The following RBFOX1 variants were observed in gnomAD, a reference collection of about 807,000 sequenced individuals.
RBFOX1 encodes RNA binding protein fox-1 homolog 1.
RBFOX1 carries 8 observed loss-of-function variants against 57.7 expected under a neutral mutation model. The observed-to-expected ratio is 0.14, with a 90% CI of 0.08 to 0.25. The LOEUF is 0.25. Among genes scored for constraint, RBFOX1 ranks in the 10% least tolerant of loss-of-function variants. The pLI, the probability that RBFOX1 is intolerant of heterozygous loss-of-function variation, is 1.00. For synonymous variants in RBFOX1, 326 were observed against 222.4 expected (o/e 1.47, Z -4.15); for missense variants, 611 against 548.5 (o/e 1.11, Z -1.14).
chr16:5,753,804 C>G (rs1372273021), intron 3 of RBFOX1, among the ~76,000 whole-genome samples: 1 of 151,792 alleles, frequency 6.6e-6, no homozygotes, highest in Non-Finnish European at 1.5e-5. Context: ...CTCATTTCAT[C>G]CTCAGATCTA....
At chr16:5,569,220 C>A (rs1911498) in intron 2 of RBFOX1, among the ~76,000 whole-genome samples, 134,920 of 151,984 alleles carry the variant, frequency 0.89, 59,977 homozygotes, top group East Asian at 1. Flanking sequence ...TTGGTGGAGC[C>A]GGGTAAAATG....
At chr16:7,520,702 G>C (rs1410952241) in intron 5 of RBFOX1, among the ~76,000 whole-genome samples, 1 of 152,216 alleles carries the variant, frequency 6.6e-6, no homozygotes, top group Non-Finnish European at 1.5e-5. Context: ...TGGTTCAGCA[G>C]GTGTTTGTTG....
chr16:6,825,449 A>G (rs1382954683), intron 3 of RBFOX1, among the ~76,000 whole-genome samples: 1 of 152,168 alleles, frequency 6.6e-6, no homozygotes, highest in African/African-American at 2.4e-5. Flanking sequence ...AGGGAAAGGA[A>G]AAATAACGAC....
At chr16:6,964,061 C>G (rs1332254559) in intron 3 of RBFOX1, among the ~76,000 whole-genome samples, 1 of 151,980 alleles carries the variant, frequency 6.6e-6, no homozygotes, top group Non-Finnish European at 1.5e-5. Flanking sequence ...CTCTGTCACC[C>G]AGGCTGGAGT....
intron 3 of RBFOX1, among the ~76,000 whole-genome samples, chr16:6,753,659 C>T (rs910176009): frequency 1.3e-5 from 2 of 152,162 alleles, no homozygotes; most frequent in South Asian, 4.1e-4. Flanking sequence ...TTCTCGCCTG[C>T]CTTCCTTTTC....
intron 14 of RBFOX1, among the ~76,000 whole-genome samples, chr16:7,680,291 AT>A (rs1299026473): frequency 6.6e-6 from 1 of 152,194 alleles, no homozygotes; most frequent in African/African-American, 2.4e-5. Flanking sequence ...GGTGGAAAAG[AT>A]TCCCTGTTTG....
chr16:6,160,372 C>T (rs564715097), intron 1 of RBFOX1, among the ~76,000 whole-genome samples: 1 of 152,152 alleles, frequency 6.6e-6, no homozygotes, highest in Non-Finnish European at 1.5e-5. Flanking sequence ...TATCATCTCA[C>T]AAACTTTTTT....
At chr16:6,287,114 C>T (rs1000085769) in intron 1 of RBFOX1, among the ~76,000 whole-genome samples, 3 of 152,020 alleles carry the variant, frequency 2.0e-5, no homozygotes, top group Non-Finnish European at 2.9e-5. Context: ...CACACCTCAC[C>T]CAAGGGTATT....
chr16:6,793,177 A>G (rs1022046479), intron 3 of RBFOX1, among the ~76,000 whole-genome samples: 2 of 152,230 alleles, frequency 1.3e-5, no homozygotes, highest in Non-Finnish European at 1.5e-5. Context: ...AACAGATAAT[A>G]TGATCCTGTT....
intron 3 of RBFOX1, among the ~76,000 whole-genome samples, chr16:5,844,384 T>A (rs1452042927): frequency 1.3e-5 from 2 of 152,190 alleles, no homozygotes; most frequent in Non-Finnish European, 2.9e-5. Flanking sequence ...AAGTCTCCCA[T>A]CCCACAAGGG....
At chr16:7,245,491 A>G (rs950598416) in intron 4 of RBFOX1, among the ~76,000 whole-genome samples, 153 of 152,294 alleles carry the variant, frequency 1.0e-3, no homozygotes, top group African/African-American at 3.5e-3. Flanking sequence ...CTGGTCTTCA[A>G]TTCACCACTG....
At chr16:5,285,137 C>T (rs953811436) in intron 1 of RBFOX1, among the ~76,000 whole-genome samples, 1 of 152,148 alleles carries the variant, frequency 6.6e-6, no homozygotes, top group African/African-American at 2.4e-5. Flanking sequence ...GTCATGTAGC[C>T]TTGCTTCACT....
chr16:5,972,580 A>T (rs904041863), intron 4 of RBFOX1, among the ~76,000 whole-genome samples: 2 of 152,202 alleles, frequency 1.3e-5, no homozygotes, highest in Non-Finnish European at 2.9e-5. Context: ...GAAAACAGGG[A>T]TGAGATGCGG....
At chr16:5,816,891 G>A (rs1255612220) in intron 3 of RBFOX1, among the ~76,000 whole-genome samples, 3 of 152,156 alleles carry the variant, frequency 2.0e-5, no homozygotes, top group African/African-American at 7.2e-5. Context: ...CATAGTAGGT[G>A]TACATATTTA....
intron 2 of RBFOX1, among the ~76,000 whole-genome samples, chr16:5,490,382 C>T (rs532004265): frequency 6.6e-6 from 1 of 152,326 alleles, no homozygotes; most frequent in African/African-American, 2.4e-5. Context: ...CTCAGGGGCA[C>T]CTGGAACCAG....
intron 1 of RBFOX1, among the ~76,000 whole-genome samples, chr16:6,192,497 C>T (rs1366884585): frequency 2.0e-5 from 3 of 152,076 alleles, no homozygotes; most frequent in Non-Finnish European, 2.9e-5. Context: ...CCAACACCCC[C>T]ATACACATGC....
At chr16:7,641,405 C>T (rs1158247024) in intron 11 of RBFOX1, among the ~76,000 whole-genome samples, 1 of 152,184 alleles carries the variant, frequency 6.6e-6, no homozygotes, top group East Asian at 1.9e-4. Flanking sequence ...AAAGAACTGT[C>T]ATGCCAAAAG....
chr16:6,665,259 C>G (rs953490968), intron 3 of RBFOX1, among the ~76,000 whole-genome samples: 7 of 152,112 alleles, frequency 4.6e-5, no homozygotes, highest in Admixed American at 4.6e-4. Flanking sequence ...TCTTGTTTGT[C>G]TTCCCTCAGC....
chr16:6,264,870 T>C (rs1279029581), intron 1 of RBFOX1, among the ~76,000 whole-genome samples: 1 of 152,212 alleles, frequency 6.6e-6, no homozygotes, highest in Non-Finnish European at 1.5e-5. Context: ...TCTGAGTCCA[T>C]GGCATATGAC....
Sources: gnomAD v4.1 joint callset for allele counts (sites outside exome capture counted in the v4.1 genomes callset) on GRCh38, gnomAD v4.1.1 for gene constraint, MANE v1.5 for transcripts, NCBI Gene and HGNC (gene_info 2026-07-23, HGNC 2026-07-21) for gene names.